Variants in CLPTM1L observed in about 807,000 individuals in gnomAD.
The protein encoded by CLPTM1L is CLPTM1 like.
Under a neutral mutation model 70.9 loss-of-function variants are expected in CLPTM1L, and 38 were observed. That is an observed-to-expected ratio of 0.54 (90% CI 0.41 to 0.70). CLPTM1L has a LOEUF of 0.70. CLPTM1L is among the 30% of genes least tolerant of loss of function. CLPTM1L has a pLI of 0.00. For missense variants in CLPTM1L, 652 were observed against 705.9 expected, an observed-to-expected ratio of 0.92 and a Z score of 0.87; for synonymous variants, 339 against 299.9, an observed-to-expected ratio of 1.13 and a Z score of -1.35.
chr5:1,321,346 G>A (rs921230344), intron 15 of CLPTM1L, among the ~76,000 whole-genome samples: 26 of 152,214 alleles, frequency 1.7e-4, no homozygotes, highest in African/African-American at 5.3e-4. Flanking sequence ...GAGCCACAGG[G>A]GGTCTGTGTC....
Position 1,318,352 on chromosome 5 carries a change from G to C in CLPTM1L, c.*17C>G. 6.2e-7 allele frequency: 1 copy of C among 1,607,540 alleles called. No homozygotes were observed. Among genetic ancestry groups the C allele is most frequent in the Non-Finnish European group, 8.5e-7 (1 of 1,175,240 alleles). On this transcript the variant is annotated 3_prime_UTR_variant, in exon 17 of 17. Transcript: ENST00000320895. The surrounding 1 kb of genome is among the most constrained non-coding windows in gnomAD (Gnocchi z 8.9). ...ACAATTCAAGTTGCACTTGGCTGGC[G>C]GCAGCCCGGGCGGCCTTCAGTCCGT... is the stretch of plus-strand genomic sequence containing the variant.
At chr5:1,322,810 G>T (rs1752235527) in intron 13 of CLPTM1L, 67 bp downstream of exon 13, 2 of 1,529,294 alleles carry the variant, frequency 1.3e-6, no homozygotes, top group Non-Finnish European at 1.8e-6. Context: ...GGGTTTCAAT[G>T]CAAGAACAAT....
chr5:1,323,471 G>A (rs1407088812), intron 12 of CLPTM1L, among the ~76,000 whole-genome samples: 1 of 138,908 alleles, frequency 7.2e-6, no homozygotes, highest in Non-Finnish European at 1.6e-5. Flanking sequence ...CGGGGGCTCC[G>A]GGAACCCTCT....
chr5:1,326,584 G>A (rs1440450376), intron 9 of CLPTM1L: 3 of 295,490 alleles, frequency 1.0e-5, no homozygotes, highest in Admixed American at 5.6e-5. Flanking sequence ...CTCCTCTACA[G>A]ACACATTTCA....
chr5:1,321,543 A>C, intron 15 of CLPTM1L, 92 bp downstream of exon 15: 3 of 1,113,354 alleles, frequency 2.7e-6, no homozygotes, highest in Non-Finnish European at 4.1e-6. Flanking sequence ...CACTCTGGGC[A>C]GAGATGGCCC....
At chr5:1,327,338 G>T (rs1434939936) in intron 9 of CLPTM1L, among the ~76,000 whole-genome samples, 1 of 147,628 alleles carries the variant, frequency 6.8e-6, no homozygotes, top group Non-Finnish European at 1.5e-5. Context: ...CTCCTCTACA[G>T]ACACATTCCA....
At chr5:1,330,428 C>T (rs1351587991) in intron 8 of CLPTM1L, 45 bp from the exon 9 acceptor site, 16 of 1,513,134 alleles carry the variant, frequency 1.1e-5, no homozygotes, top group Non-Finnish European at 1.4e-5. Context: ...AGGGCAGACC[C>T]CACCTGTGTT....
chr5:1,335,267 T>A (rs995913129), intron 5 of CLPTM1L, 93 bp from the exon 6 acceptor site: 13 of 987,636 alleles, frequency 1.3e-5, no homozygotes, highest in Non-Finnish European at 2.1e-5. Flanking sequence ...CCCCTTCCCA[T>A]CCCTGTGTGG....
intron 3 of CLPTM1L, among the ~76,000 whole-genome samples, chr5:1,340,030 G>C (rs370442424): frequency 6.6e-6 from 1 of 152,390 alleles, no homozygotes; most frequent in East Asian, 1.9e-4. Context: ...CCAGCAGAGA[G>C]GGCACAGCGG....
At chr5:1,319,265 G>C (rs572548489) in intron 16 of CLPTM1L, among the ~76,000 whole-genome samples, 3 of 150,618 alleles carry the variant, frequency 2.0e-5, no homozygotes, top group Non-Finnish European at 4.4e-5. Flanking sequence ...ACCAAGCCCC[G>C]TGTGAGTGTG....
In CLPTM1L at chr5:1,341,747, A is replaced by T. The variant is rs554750487; in HGVS notation, c.377T>A (p.Leu126Gln). ...LPWHDGKQVH[L>Q]VSPLTTYMVP... ...CATGTAGGTGGTCAGAGGACTGACC[A>T]GGTGCACCTGCTTCCCGTCGTGCCA... Residue 126 changes from leucine (L) to glutamine (Q), a missense_variant, in exon 3 of 17, where the codon CTG becomes CAG. This residue lies in a region of CLPTM1L where 402 missense variants were observed against 388.2 expected (regional missense o/e 1.04). Transcript: ENST00000320895. The T allele has an allele frequency of 2.5e-6, 4 of 1,614,022 alleles. No individual in the cohort carries two copies. The South Asian group carries it at 4.4e-5, about 18-fold the overall frequency.
Position 1,323,704 on chromosome 5 carries a change from A to G in CLPTM1L, c.1280+83T>C, listed in dbSNP as rs1202091184. On this transcript the variant is annotated intron_variant, in intron 12 of 16. Transcript: ENST00000320895. ...TGCCCCGGCCCCGAGTTTGCCCTCC[A>G]GTCGCACCCCGCTCTGGCTCAGTCA... The G allele has an allele frequency of 4.9e-6, 6 of 1,229,300 alleles. No homozygotes were observed. The African/African-American group carries it at 8.9e-5, about 18-fold the overall frequency. 76.1% of individuals were successfully genotyped at this position (1,229,300 alleles called of 1,614,324 possible). A position where few individuals can be genotyped will look rare whatever the true frequency, so the allele number is the denominator to read the frequency against.
intron 16 of CLPTM1L, chr5:1,320,296 C>A: frequency 4.0e-6 from 1 of 248,158 alleles, no homozygotes; most frequent in Non-Finnish European, 7.7e-6. Context: ...CTCTGTTCTG[C>A]TCAATAGCAA....
intron 5 of CLPTM1L, 46 bp downstream of exon 5, chr5:1,337,858 C>G: frequency 6.8e-7 from 1 of 1,465,864 alleles, no homozygotes; most frequent in African/African-American, 1.4e-5. Context: ...GTCTTGGGGT[C>G]AGTGTCTCGC....
chr5:1,339,023 C>T lies in CLPTM1L; in HGVS notation c.454-18G>A, dbSNP rs373375952. ...TCGATCTGCTGTTAAGTGAGGAAAA[C>T]AGAGGCCAATGCTGGGACAGAAAAC... On this transcript the variant is annotated intron_variant, in intron 3 of 16. Transcript: ENST00000320895. The T allele has an allele frequency of 1.2e-6, 2 of 1,609,310 alleles. No homozygotes were observed. Among genetic ancestry groups the T allele is most frequent in the Non-Finnish European group, 1.7e-6 (2 of 1,177,120 alleles).
At chr5:1,332,353 C>T (rs951801200) in intron 7 of CLPTM1L, 6 of 159,194 alleles carry the variant, frequency 3.8e-5, no homozygotes, top group African/African-American at 7.2e-5. Context: ...GCCTGGGCAA[C>T]GTACTGAGAC....
intron 3 of CLPTM1L, among the ~76,000 whole-genome samples, chr5:1,339,563 C>T (rs1449410816): frequency 1.0e-4 from 12 of 117,642 alleles, no homozygotes; most frequent in Admixed American, 2.7e-4. Context: ...ATGGAAAAAC[C>T]GCGCCCGGAC....
chr5:1,338,175 T>G, intron 4 of CLPTM1L, 193 bp from the exon 5 acceptor site: 1 of 606,624 alleles, frequency 1.6e-6, no homozygotes, highest in Non-Finnish European at 3.0e-6. Flanking sequence ...TGCACGCTTG[T>G]GAGACCCGCT....
intron 5 of CLPTM1L, 79 bp downstream of exon 5, chr5:1,337,825 A>G: frequency 8.9e-7 from 1 of 1,129,404 alleles, no homozygotes; most frequent in African/African-American, 1.5e-5. Flanking sequence ...CCGGTCCATT[A>G]GGGTGCAGGG....
Sources: gnomAD v4.1 joint callset for allele counts (sites outside exome capture counted in the v4.1 genomes callset) on GRCh38, gnomAD v4.1.1 for gene constraint, gnomAD v4.1.1 regional missense constraint, Gnocchi (gnomAD v3.1) non-coding constraint, MANE v1.5 for transcripts, NCBI Gene and HGNC (gene_info 2026-07-23, HGNC 2026-07-21) for gene names.